Variants in FXYD6 observed in about 807,000 individuals in gnomAD.
FXYD6 encodes FXYD domain containing ion transport regulator 6.
In FXYD6, 7 loss-of-function variants were observed where a neutral mutation model predicts 16.7. The observed-to-expected ratio is 0.42, with a 90% CI of 0.24 to 0.79. The LOEUF is 0.79. Among genes scored for constraint, FXYD6 ranks in the 30% least tolerant of loss-of-function variants. FXYD6 has a pLI of 0.28. For missense variants in FXYD6, 111 were observed against 116.2 expected, an observed-to-expected ratio of 0.95 and a Z score of 0.21; for synonymous variants, 49 against 43.0, an observed-to-expected ratio of 1.14 and a Z score of -0.54.
chr11:117,861,221 G>A (rs937492443), intron 1 of FXYD6, among the ~76,000 whole-genome samples: 3 of 152,148 alleles, frequency 2.0e-5, no homozygotes, highest in African/African-American at 4.8e-5. Context: ...GTCCCCACTC[G>A]AACCCTGCTG....
At chr11:117,876,087 C>A (rs2134225420) in intron 1 of FXYD6, among the ~76,000 whole-genome samples, 1 of 152,264 alleles carries the variant, frequency 6.6e-6, no homozygotes, top group African/African-American at 2.4e-5. Context: ...CCATCCTGTG[C>A]CCACTGCCCA....
intron 1 of FXYD6, among the ~76,000 whole-genome samples, chr11:117,856,378 C>A (rs2056725962): frequency 6.6e-6 from 1 of 152,142 alleles, no homozygotes; most frequent in Non-Finnish European, 1.5e-5. Flanking sequence ...ATTATCTCAT[C>A]CTCATCCCTC....
intron 1 of FXYD6, among the ~76,000 whole-genome samples, chr11:117,856,086 T>G (rs1055898290): frequency 2.0e-5 from 3 of 152,160 alleles, no homozygotes; most frequent in Non-Finnish European, 4.4e-5. Flanking sequence ...AATTTTCCTC[T>G]CTGATCCTCC....
chr11:117,838,351 T>C (rs2056248147), intron 7 of FXYD6, 74 bp from the exon 8 acceptor site: 2 of 699,510 alleles, frequency 2.9e-6, no homozygotes, highest in Non-Finnish European at 5.2e-6. Context: ...TCTCCCTTCC[T>C]TGAGCACCTG....
In FXYD6 at chr11:117,840,377, GAA is replaced by G. The variant is rs1321012057; in HGVS notation, c.210-11_210-10del. On this transcript the variant is annotated splice_polypyrimidine_tract_variant and intron_variant, in intron 5 of 7. Coordinates refer to ENST00000526014, the MANE Select transcript of FXYD6 (RefSeq NM_022003.4). ...CCTCATCTCCTGGGGCCCTGCAGGAGAAAGAGACACACAGCCCCATCAGAGAT... is the reference window on the plus strand; with the variant it reads ...CCTCATCTCCTGGGGCCCTGCAGGAGAGAGACACACAGCCCCATCAGAGAT... 6.2e-7 allele frequency: 1 copy of G among 1,614,076 alleles called. No homozygotes were observed. Among genetic ancestry groups the G allele is most frequent in the Non-Finnish European group, 8.5e-7 (1 of 1,180,008 alleles).
intron 1 of FXYD6, among the ~76,000 whole-genome samples, chr11:117,852,276 A>G (rs2056627424): frequency 6.6e-6 from 1 of 152,270 alleles, no homozygotes; most frequent in Non-Finnish European, 1.5e-5. Context: ...AAGCTGTGCC[A>G]GACCTCTGAC....
intron 1 of FXYD6, among the ~76,000 whole-genome samples, chr11:117,854,806 G>A (rs1410699868): frequency 6.6e-6 from 1 of 152,200 alleles, no homozygotes; most frequent in Non-Finnish European, 1.5e-5. Context: ...AGGCATTCCG[G>A]TAGAGAAGAC....
At chr11:117,858,157 A>T (rs972639501) in intron 1 of FXYD6, 1 of 151,914 alleles carries the variant, frequency 6.6e-6, no homozygotes, top group Non-Finnish European at 1.5e-5. Context: ...CTTCCCATCC[A>T]TGCTGGAGCA....
chr11:117,858,988 G>A (rs2056840800), intron 1 of FXYD6, among the ~76,000 whole-genome samples: 1 of 151,916 alleles, frequency 6.6e-6, no homozygotes, highest in African/African-American at 2.4e-5. Context: ...ATTGGCCAGG[G>A]TGGTCTCCAA....
At chr11:117,875,535 G>C (rs1031564300) in intron 1 of FXYD6, among the ~76,000 whole-genome samples, 1 of 152,148 alleles carries the variant, frequency 6.6e-6, no homozygotes, top group African/African-American at 2.4e-5. Context: ...GCTAAGTTGC[G>C]GACGTAGACA....
intron 1 of FXYD6, among the ~76,000 whole-genome samples, chr11:117,862,071 G>A (rs187709689): frequency 6.6e-6 from 1 of 152,346 alleles, no homozygotes; most frequent in East Asian, 1.9e-4. Flanking sequence ...AAAACCCGGA[G>A]GAGGAGAAAC....
intron 4 of FXYD6, chr11:117,841,469 C>A (rs1170178771): frequency 1.0e-5 from 6 of 587,592 alleles, no homozygotes; most frequent in Non-Finnish European, 1.8e-5. Flanking sequence ...CTCGGAGGCA[C>A]ATCCCTCGCA....
At chr11:117,846,356 G>T (rs763550383) in intron 1 of FXYD6, among the ~76,000 whole-genome samples, 6 of 152,058 alleles carry the variant, frequency 3.9e-5, no homozygotes, top group Non-Finnish European at 7.4e-5. Flanking sequence ...CCAGTTTGTG[G>T]CTTATTTTTT....
In FXYD6 at chr11:117,841,967, C is replaced by A. The variant is rs556125876; in HGVS notation, c.97+23G>T. The A allele has an allele frequency of 2.5e-6, 4 of 1,614,176 alleles. No homozygotes were observed. The South Asian group carries it at 4.4e-5, about 18-fold the overall frequency. Reference sequence around the variant, plus strand: ...AGGGCTGCATTCCCCCTGACCCCTGCACCCAGGGTTGCCATCGCTCACCAT... The same window carrying A: ...AGGGCTGCATTCCCCCTGACCCCTGAACCCAGGGTTGCCATCGCTCACCAT... On this transcript the variant is annotated intron_variant, in intron 3 of 7. Transcript: ENST00000526014.
In FXYD6 at chr11:117,848,897, A is replaced by G. The variant is rs1204352210; in HGVS notation, c.-5-6116T>C. On this transcript the variant is annotated intron_variant, in intron 1 of 7. Transcript: ENST00000526014. Reference sequence around the variant, plus strand: ...TTTCACCAGAGGTTTAACGATGCTTATAGTTTTTTTGAAGAAACCAACTCT... The same window carrying G: ...TTTCACCAGAGGTTTAACGATGCTTGTAGTTTTTTTGAAGAAACCAACTCT... Among the ~76,000 whole-genome samples the G allele has an allele frequency of 2.0e-5, 3 of 152,006 alleles. No homozygotes were observed. In the East Asian group the frequency reaches 5.8e-4, roughly 29 times the overall value.
intron 1 of FXYD6, among the ~76,000 whole-genome samples, chr11:117,873,840 C>T (rs1344152581): frequency 2.0e-5 from 3 of 152,200 alleles, no homozygotes; most frequent in Non-Finnish European, 4.4e-5. Flanking sequence ...AGCTTCCAGC[C>T]TCGCCTTCCA....
intron 1 of FXYD6, among the ~76,000 whole-genome samples, chr11:117,856,208 T>A (rs887460902): frequency 1.1e-4 from 16 of 152,152 alleles, no homozygotes; most frequent in African/African-American, 3.9e-4. Flanking sequence ...TAAAAACTGC[T>A]CAGAAAGAGA....
At chr11:117,856,199 A>G (rs1273119881) in intron 1 of FXYD6, among the ~76,000 whole-genome samples, 1 of 152,194 alleles carries the variant, frequency 6.6e-6, no homozygotes, top group East Asian at 1.9e-4. Flanking sequence ...ATTGCTGGGT[A>G]AAAACTGCTC....
intron 7 of FXYD6, chr11:117,839,003 C>A (rs2056271393): frequency 6.5e-6 from 1 of 153,278 alleles, no homozygotes. Flanking sequence ...AAACACAAAC[C>A]TTTTCCCTTA....
Sources: allele counts gnomAD v4.1 joint callset (sites outside exome capture counted in the v4.1 genomes callset), GRCh38; gene constraint gnomAD v4.1.1; transcripts MANE v1.5; gene names NCBI Gene and HGNC (gene_info 2026-07-23, HGNC 2026-07-21).